OTOGL: variants seen among roughly 807,000 people sequenced by gnomAD.
OTOGL encodes the protein otogelin-like protein.
A neutral mutation model predicts 318.5 loss-of-function variants in OTOGL; 285 were observed. The observed-to-expected ratio is 0.89, with a 90% CI of 0.81 to 0.99. OTOGL has a LOEUF of 0.99. Among genes scored for constraint, OTOGL ranks in the 50% least tolerant of loss-of-function variants. The pLI is 0.00. For synonymous variants in OTOGL, 987 were observed against 936.5 expected (o/e 1.05, Z -0.99); for missense variants, 2,899 against 2,845.6 (o/e 1.02, Z -0.43).
chr12:80,300,822 A>C (rs566076022), intron 27 of OTOGL, among the ~76,000 whole-genome samples: 1 of 152,332 alleles, frequency 6.6e-6, no homozygotes, highest in African/African-American at 2.4e-5. Flanking sequence ...GAGATGGGTA[A>C]AAGCTTAGTT....
intron 19 of OTOGL, among the ~76,000 whole-genome samples, chr12:80,264,494 G>T (rs1882792382): frequency 6.6e-6 from 1 of 152,138 alleles, no homozygotes; most frequent in Admixed American, 6.5e-5. Flanking sequence ...ACTGTGCATT[G>T]TGCAGACATT....
rs1433684664 is a variant in OTOGL, at chr12:80,124,857, A to T, written c.-20+25252A>T. On this transcript the variant is annotated intron_variant, in intron 1 of 58. Transcript: ENST00000547103. The stretch of plus-strand genomic sequence containing the variant: ...CTCTGTTTGTCTGTTATTGGTGTAT[A>T]AGAATGCTTGTGATTTTCGTACATT... 2.6e-5 allele frequency among the ~76,000 whole-genome samples: 4 copies of T among 152,176 alleles called. No individual in the cohort carries two copies. The East Asian group carries it at 7.7e-4, about 29-fold the overall frequency.
chr12:80,256,227 C>A, intron 16 of OTOGL, 110 bp from the exon 17 acceptor site: 1 of 1,204,396 alleles, frequency 8.3e-7, no homozygotes, highest in Non-Finnish European at 1.1e-6. Flanking sequence ...TTTTTGTTCT[C>A]TCCTCTCTCT....
chr12:80,180,999 G>T (rs922867285), intron 1 of OTOGL, among the ~76,000 whole-genome samples: 9 of 152,112 alleles, frequency 5.9e-5, no homozygotes, highest in Admixed American at 1.3e-4. Context: ...GAGGCATATG[G>T]GTTTGACCTC....
At position 80,355,869 on chromosome 12, in the gene OTOGL, C is replaced by A. The variant is rs548080185; in HGVS notation, c.5727C>A (p.Pro1909=). ...TAGAACCTGACTGTGATGAAGAGCC[C>A]ACGCCAGTTTGTGAACGAGAAGCTG... ...IPIEPDCDEE[P]TPVCEREAEV... The change falls in exon 47 of 59, where the codon CCC becomes CCA. Residue 1909 remains proline (P), a synonymous_variant. Coordinates refer to ENST00000547103, the MANE Select transcript of OTOGL (RefSeq NM_001378609.3). 2 of 1,613,844 alleles carry A rather than the reference C, an allele frequency of 1.2e-6. No individual in the cohort carries two copies. The highest frequency in any genetic ancestry group is 2.7e-5 in the African/African-American group (2 of 75,004).
At chr12:80,100,663 C>T (rs1320369394) in intron 1 of OTOGL, among the ~76,000 whole-genome samples, 1 of 152,050 alleles carries the variant, frequency 6.6e-6, no homozygotes, top group Non-Finnish European at 1.5e-5. Context: ...AAGGTCAGTA[C>T]TTTATAGAAG....
At chr12:80,129,374 T>C (rs1408924192) in intron 1 of OTOGL, among the ~76,000 whole-genome samples, 1 of 152,232 alleles carries the variant, frequency 6.6e-6, no homozygotes, top group Non-Finnish European at 1.5e-5. Flanking sequence ...GTTTTAGTCA[T>C]ATTTTTCTAT....
intron 13 of OTOGL, 49 bp downstream of exon 13, chr12:80,252,250 CCAGTGATCTAAGGATCACAT>C (rs1472462680): frequency 6.5e-7 from 1 of 1,538,968 alleles, no homozygotes; most frequent in Non-Finnish European, 8.8e-7. Context: ...AAACTAGTAC[CCAGTGATCTAAGGATCACAT>C]CTTCGTTTTG....
At chr12:80,210,237 A>G (rs1393179516) in intron 2 of OTOGL, among the ~76,000 whole-genome samples, 4 of 152,122 alleles carry the variant, frequency 2.6e-5, no homozygotes, top group African/African-American at 4.8e-5. Context: ...CATGAAATAC[A>G]TATTATATAT....
intron 1 of OTOGL, among the ~76,000 whole-genome samples, chr12:80,147,818 T>C (rs1872505138): frequency 6.6e-6 from 1 of 152,192 alleles, no homozygotes; most frequent in African/African-American, 2.4e-5. Flanking sequence ...AATGGCCTTG[T>C]TTGTCTCTTT....
At chr12:80,302,815 A>G in intron 28 of OTOGL, 32 bp downstream of exon 28, 1 of 1,410,092 alleles carries the variant, frequency 7.1e-7, no homozygotes, top group South Asian at 1.6e-5. Context: ...ATGAGATGTA[A>G]TGAATAAAAT....
chr12:80,280,494 A>G (rs896788459), intron 26 of OTOGL, among the ~76,000 whole-genome samples: 3 of 152,000 alleles, frequency 2.0e-5, no homozygotes, highest in African/African-American at 7.2e-5. Context: ...GAAATGTTCC[A>G]GTTTCAACCT....
At chr12:80,269,149 A>C (rs2137577802) in intron 22 of OTOGL, among the ~76,000 whole-genome samples, 1 of 152,214 alleles carries the variant, frequency 6.6e-6, no homozygotes, top group East Asian at 1.9e-4. Context: ...TCTAGTGTTC[A>C]ACTATGCATT....
At position 80,355,610 on chromosome 12, in the gene OTOGL, A is replaced by T. The variant is rs1211323323; in HGVS notation, c.5594-126A>T. ...TGGTGATGAAAGAGAAATCTGAGAA[A>T]AACAATAGACTTGTGACACATCATT... On this transcript the variant is annotated intron_variant, in intron 46 of 58. Coordinates refer to ENST00000547103, the MANE Select transcript of OTOGL (RefSeq NM_001378609.3). 2.3e-5 allele frequency: 16 copies of T among 696,582 alleles called. No individual in the cohort carries two copies. In the Admixed American group the frequency reaches 5.3e-4, roughly 23 times the overall value. The allele number at this position is 696,582 out of a possible 1,614,324, so 43.2% of individuals were successfully genotyped here.
intron 58 of OTOGL, 42 bp downstream of exon 58, chr12:80,377,244 T>G (rs774883684): frequency 6.9e-7 from 1 of 1,455,390 alleles, no homozygotes; most frequent in Non-Finnish European, 9.5e-7. Flanking sequence ...TGCACACATC[T>G]TTTTAGAAAG....
chr12:80,296,750 A>C, intron 26 of OTOGL, 77 bp from the exon 27 acceptor site: 2 of 1,114,498 alleles, frequency 1.8e-6, no homozygotes, highest in Non-Finnish European at 2.4e-6. Flanking sequence ...TCAATATTTA[A>C]GATTTCTTAA....
intron 24 of OTOGL, among the ~76,000 whole-genome samples, chr12:80,273,422 A>G (rs377265116): frequency 6.6e-6 from 1 of 152,072 alleles, no homozygotes; most frequent in East Asian, 1.9e-4. Context: ...TGTGGATTGA[A>G]GAAATGGAGA....
At chr12:80,196,573 T>C (rs1876084355) in intron 1 of OTOGL, among the ~76,000 whole-genome samples, 1 of 152,202 alleles carries the variant, frequency 6.6e-6, no homozygotes, top group African/African-American at 2.4e-5. Context: ...TGTTCTTGTC[T>C]GTCTTAGGGA....
chr12:80,328,319 A>AGACAAC (rs1887833545), intron 35 of OTOGL, among the ~76,000 whole-genome samples: 1 of 148,752 alleles, frequency 6.7e-6, no homozygotes. Context: ...ACCCTGTCAC[A>AGACAAC]AACAACAACA....
Sources: gnomAD v4.1 joint callset for allele counts (sites outside exome capture counted in the v4.1 genomes callset) on GRCh38, gnomAD v4.1.1 for gene constraint, MANE v1.5 for transcripts, NCBI Gene and HGNC (gene_info 2026-07-23, HGNC 2026-07-21) for gene names.